STMN4: variants seen among roughly 807,000 people sequenced by gnomAD.
The protein encoded by STMN4 is stathmin-4.
Under a neutral mutation model 29.1 loss-of-function variants are expected in STMN4, and 12 were observed. The observed-to-expected ratio is 0.41, with a 90% confidence interval of 0.26 to 0.67. The LOEUF is 0.67. Among genes scored for constraint, STMN4 ranks in the 30% least tolerant of loss-of-function variants. The pLI, the probability that STMN4 is intolerant of heterozygous loss-of-function variation, is 0.30. For missense variants in STMN4, 181 were observed against 262.8 expected (o/e 0.69, Z 2.15); for synonymous variants, 114 against 105.3 (o/e 1.08, Z -0.51).
intron 1 of STMN4, among the ~76,000 whole-genome samples, chr8:27,253,875 C>T (rs1477975312): frequency 2.0e-5 from 3 of 151,974 alleles, no homozygotes; most frequent in Non-Finnish European, 2.9e-5. Flanking sequence ...CTCCGCCTCC[C>T]GGGTTCAAGC....
Position 27,242,248 on chromosome 8 carries a change from CG to C in STMN4, c.109+148del, listed in dbSNP as rs537616196. On this transcript the variant is annotated intron_variant, in intron 3 of 6. Coordinates refer to ENST00000350889, the MANE Select transcript of STMN4 (RefSeq NM_030795.4). The stretch of plus-strand genomic sequence containing the variant: ...GCTGGACCACTGCAGCTCAGACCCT[CG>C]GGCTCACCCGCTGTGATTTCATCGG... The C allele has an allele frequency of 1.2e-4, 93 of 800,006 alleles. No homozygotes were observed. In the East Asian group the frequency reaches 2.3e-3, roughly 19 times the overall value. 49.6% of individuals were successfully genotyped at this position (800,006 alleles called of 1,614,324 possible).
intron 1 of STMN4, among the ~76,000 whole-genome samples, chr8:27,257,562 T>G (rs1801980392): frequency 6.6e-6 from 1 of 151,616 alleles, no homozygotes; most frequent in Non-Finnish European, 1.5e-5. Flanking sequence ...TGATTGTGTC[T>G]TCCTGGGAGA....
At position 27,258,383 on chromosome 8, in the gene STMN4, C is replaced by T. The variant is rs1802004643; in HGVS notation, c.-111G>A. The T allele has an allele frequency of 6.6e-6, 1 of 152,262 alleles. No homozygotes were observed. Among genetic ancestry groups the T allele is most frequent in the African/African-American group, 2.4e-5 (1 of 41,468 alleles). 9.4% of individuals were successfully genotyped at this position (152,262 alleles called of 1,614,324 possible). A position where few individuals can be genotyped will look rare whatever the true frequency, so the allele number is the denominator to read the frequency against. Reference sequence around the variant, plus strand: ...CCAGTTAGAAGCGAGCTGCTCTCTTCCTCACTCCCTCAATTAGTGGTACCC... The same window carrying T: ...CCAGTTAGAAGCGAGCTGCTCTCTTTCTCACTCCCTCAATTAGTGGTACCC... On this transcript the variant is annotated 5_prime_UTR_variant, in exon 1 of 7. Coordinates refer to ENST00000350889, the MANE Select transcript of STMN4 (RefSeq NM_030795.4).
At chr8:27,252,463 T>G (rs1165743586) in intron 1 of STMN4, among the ~76,000 whole-genome samples, 1 of 152,088 alleles carries the variant, frequency 6.6e-6, no homozygotes, top group Non-Finnish European at 1.5e-5. Context: ...TCAAAAAAAA[T>G]TTTTTAAGGT....
Position 27,236,739 on chromosome 8 carries a change from C to G in STMN4, c.*107G>C, listed in dbSNP as rs747121096. ...GGAAACGCCCCTTGGCCACCCCCCT[C>G]CCCCCAAACCCCAGTGCTGGGAGCG... On this transcript the variant is annotated 3_prime_UTR_variant, in exon 7 of 7. Coordinates refer to ENST00000350889, the MANE Select transcript of STMN4 (RefSeq NM_030795.4). 9.7e-7 allele frequency: 1 copy of G among 1,031,928 alleles called. No individual in the cohort carries two copies. The highest frequency in any genetic ancestry group is 3.0e-5 in the East Asian group (1 of 33,456). The allele number at this position is 1,031,928 out of a possible 1,614,324, so 63.9% of individuals were successfully genotyped here. A position where few individuals can be genotyped will look rare whatever the true frequency, so the allele number is the denominator to read the frequency against.
intron 6 of STMN4, chr8:27,239,102 C>T (rs1488401322): frequency 8.4e-6 from 10 of 1,194,702 alleles, no homozygotes; most frequent in Admixed American, 5.9e-5. Flanking sequence ...TCGTGCTGGC[C>T]AGCTCCAGGG....
chr8:27,239,375 C>G lies in STMN4; in HGVS notation c.591+596G>C, dbSNP rs559441119. On this transcript the variant is annotated intron_variant, in intron 6 of 6. Transcript: ENST00000350889. Reference sequence around the variant, plus strand: ...GGAAATGAGGCCAGCGTGTTCTCAGCAGAACGGGCCGGTATTCTGCTGACA... The same window carrying G: ...GGAAATGAGGCCAGCGTGTTCTCAGGAGAACGGGCCGGTATTCTGCTGACA... The G allele has an allele frequency of 5.1e-6, 7 of 1,376,644 alleles. No homozygotes were observed. In the African/African-American group the frequency reaches 1.0e-4, roughly 20 times the overall value. 85.3% of individuals were successfully genotyped at this position (1,376,644 alleles called of 1,614,324 possible).
At chr8:27,249,419 G>A (rs1393188429) in intron 1 of STMN4, among the ~76,000 whole-genome samples, 1 of 152,152 alleles carries the variant, frequency 6.6e-6, no homozygotes, top group African/African-American at 2.4e-5. Context: ...AGAGGCTGGC[G>A]AGTCTAAATG....
At chr8:27,253,787 TTG>T (rs1377942934) in intron 1 of STMN4, among the ~76,000 whole-genome samples, 4 of 41,084 alleles carry the variant, frequency 9.7e-5, no homozygotes, top group Non-Finnish European at 3.7e-4. Context: ...CAGAAAGGAA[TTG>T]TTTTTTTTTT....
At chr8:27,241,869 C>T in intron 3 of STMN4, 112 bp from the exon 4 acceptor site, 1 of 1,300,142 alleles carries the variant, frequency 7.7e-7, no homozygotes, top group Admixed American at 1.8e-5. Flanking sequence ...ACCTGGTCCC[C>T]GAGCACCCCT....
In STMN4 at chr8:27,235,849, G is replaced by T; in HGVS notation, c.*997C>A. ...AGATGGCAAGCCCTCACCAGACACT[G>T]AATCTGCTGGCACCTTGATATTGGA... On this transcript the variant is annotated 3_prime_UTR_variant, in exon 7 of 7. Coordinates refer to ENST00000350889, the MANE Select transcript of STMN4 (RefSeq NM_030795.4). 1 of 152,874 alleles carries T rather than the reference G, an allele frequency of 6.5e-6. No homozygotes were observed. Among genetic ancestry groups the T allele is most frequent in the South Asian group, 1.9e-4 (1 of 5,202 alleles). 9.5% of individuals were successfully genotyped at this position (152,874 alleles called of 1,614,324 possible). A position where few individuals can be genotyped will look rare whatever the true frequency, so the allele number is the denominator to read the frequency against.
rs1801445717 is a variant in STMN4, at chr8:27,240,727, G to A, written c.399+327C>T. Among the ~76,000 whole-genome samples, 5 of 152,172 alleles carry A rather than the reference G, an allele frequency of 3.3e-5. 1 individual carries two copies. The South Asian group carries it at 1.0e-3, about 31-fold the overall frequency. On this transcript the variant is annotated intron_variant, in intron 5 of 6. Coordinates refer to ENST00000350889, the MANE Select transcript of STMN4 (RefSeq NM_030795.4). ...GATCTTCTCTCCCTCCTCCAACGAAGAAGCTCTTTCCTTAATTCCCTAGCC... is the reference window on the plus strand; with the variant it reads ...GATCTTCTCTCCCTCCTCCAACGAAAAAGCTCTTTCCTTAATTCCCTAGCC...
chr8:27,256,434 G>T (rs1402958120), intron 1 of STMN4, among the ~76,000 whole-genome samples: 1 of 152,100 alleles, frequency 6.6e-6, no homozygotes, highest in South Asian at 2.1e-4. Flanking sequence ...TAGTCTTAGG[G>T]TTAGGAGAGG....
rs1406228241 is a variant in STMN4, at chr8:27,235,588, C to G, written c.*1258G>C. 1 of 152,172 alleles carries G rather than the reference C, an allele frequency of 6.6e-6. No homozygotes were observed. The highest frequency in any genetic ancestry group is 1.5e-5 in the Non-Finnish European group (1 of 68,060). 9.4% of individuals were successfully genotyped at this position (152,172 alleles called of 1,614,324 possible). On this transcript the variant is annotated 3_prime_UTR_variant, in exon 7 of 7. Coordinates refer to ENST00000350889, the MANE Select transcript of STMN4 (RefSeq NM_030795.4). ...TTTCTAATCTACCTAGAATCTCAAA[C>G]CCCCAAAGCATGGAGGACTTCTGCT...
intron 6 of STMN4, 30 bp downstream of exon 6, chr8:27,239,941 G>A (rs749101298): frequency 1.9e-5 from 31 of 1,614,062 alleles, no homozygotes; most frequent in Non-Finnish European, 2.5e-5. Context: ...CATGTCCCAG[G>A]AAACTCCTCT....
At position 27,242,413 on chromosome 8, in the gene STMN4, C is replaced by A; in HGVS notation, c.93G>T (p.Ser31=). ...TTCACTGACCTTCATATTTGTAGGA[C>A]GACTTATTCAGGGGATCGGCCAGGA... ...SCFLADPLNK[S]SYKYEGWCGR... is the part of the protein sequence containing the mutation. Residue 31 remains serine, a synonymous_variant, in exon 3 of 7, where the codon TCG becomes TCT. Transcript: ENST00000350889. 1 of 1,614,118 alleles carries A rather than the reference C, an allele frequency of 6.2e-7. No homozygotes were observed. Among genetic ancestry groups the A allele is most frequent in the Non-Finnish European group, 8.5e-7 (1 of 1,180,006 alleles).
intron 2 of STMN4, 125 bp downstream of exon 2, chr8:27,243,586 C>G (rs1801538610): frequency 9.7e-7 from 1 of 1,028,230 alleles, no homozygotes; most frequent in East Asian, 2.4e-5. Flanking sequence ...CCATCACTAC[C>G]TGCACCCCCC....
At chr8:27,255,090 G>A (rs2130174713) in intron 1 of STMN4, among the ~76,000 whole-genome samples, 1 of 152,120 alleles carries the variant, frequency 6.6e-6, no homozygotes, top group Admixed American at 6.5e-5. Context: ...TTAAATGGCA[G>A]GGAAGAATTT....
Position 27,243,701 on chromosome 8 carries a change from T to C in STMN4, c.13+10A>G, listed in dbSNP as rs767848454. 36 of 1,614,004 alleles carry C rather than the reference T, an allele frequency of 2.2e-5. No individual in the cohort carries two copies. Among genetic ancestry groups the C allele is most frequent in the Middle Eastern group, 1.6e-4 (1 of 6,084 alleles). On this transcript the variant is annotated intron_variant, in intron 2 of 6. Transcript: ENST00000350889. ...GCCTACGCCCCTTAACACATGGTTT[T>C]TGTACCTACCAGCAAGGGTCATGTT...
Sources: gnomAD v4.1 joint callset for allele counts (sites outside exome capture counted in the v4.1 genomes callset) on GRCh38, gnomAD v4.1.1 for gene constraint, MANE v1.5 for transcripts, NCBI Gene and HGNC (gene_info 2026-07-23, HGNC 2026-07-21) for gene names.